Variants in CHST8 observed in about 807,000 individuals in gnomAD.
CHST8 encodes carbohydrate sulfotransferase 8.
In CHST8, 10 loss-of-function variants were observed where a neutral mutation model predicts 15.0. That is an observed-to-expected ratio of 0.67 (90% CI 0.41 to 1.13). The LOEUF is 1.13. Ranked by LOEUF, CHST8 falls within the 50% of genes most tolerant of loss-of-function variation. CHST8 has a pLI of 0.00. For missense variants in CHST8, 634 were observed against 608.2 expected (o/e 1.04, Z -0.45); for synonymous variants, 259 against 256.6 (o/e 1.01, Z -0.09).
intron 1 of CHST8, among the ~76,000 whole-genome samples, chr19:33,662,297 C>T (rs1218723412): frequency 6.6e-6 from 1 of 152,142 alleles, no homozygotes; most frequent in Non-Finnish European, 1.5e-5. Flanking sequence ...AGGCTGGTCT[C>T]AAACTCCTGG....
intron 1 of CHST8, among the ~76,000 whole-genome samples, chr19:33,644,770 A>G (rs1224278178): frequency 6.6e-6 from 1 of 152,114 alleles, no homozygotes; most frequent in Admixed American, 6.5e-5. Context: ...TGAATTATGT[A>G]GTGTTAGAAT....
At chr19:33,629,419 G>A (rs1461020835) in intron 1 of CHST8, among the ~76,000 whole-genome samples, 3 of 152,246 alleles carry the variant, frequency 2.0e-5, no homozygotes, top group African/African-American at 7.2e-5. Context: ...AAGGGAGCCA[G>A]TCTCTACCTG....
At chr19:33,680,324 T>C (rs947993185) in intron 2 of CHST8, among the ~76,000 whole-genome samples, 1 of 152,240 alleles carries the variant, frequency 6.6e-6, no homozygotes, top group Non-Finnish European at 1.5e-5. Context: ...AATCCCATTC[T>C]GGGCCTCGAG....
intron 1 of CHST8, among the ~76,000 whole-genome samples, chr19:33,662,558 G>A (rs1385915519): frequency 2.6e-5 from 4 of 152,198 alleles, no homozygotes; most frequent in African/African-American, 9.6e-5. Context: ...TTGCCCCACG[G>A]GGAATGCTGT....
intron 3 of CHST8, among the ~76,000 whole-genome samples, chr19:33,761,165 C>G (rs1272030441): frequency 6.6e-6 from 1 of 152,206 alleles, no homozygotes; most frequent in East Asian, 1.9e-4. Context: ...TTTGCAGCAG[C>G]AACCACTAGC....
rs1568325315 is a variant in CHST8 at position 33,682,184 on chromosome 19, G to GTT, written c.-86-6991_-86-6990dup. Among the ~76,000 whole-genome samples, 247 of 121,850 alleles carry GTT rather than the reference G, an allele frequency of 2.0e-3. 1 individual carries two copies. Among genetic ancestry groups the GTT allele is most frequent in the African/African-American group, 7.6e-3 (227 of 29,748 alleles). The allele number at this position is 121,850 out of a possible 152,430, so 79.9% of individuals were successfully genotyped here. On this transcript the variant is annotated intron_variant, in intron 2 of 4. Coordinates refer to ENST00000650847, the MANE Select transcript of CHST8 (RefSeq NM_001127895.2). Reference sequence around the variant, plus strand: ...GTGTGTGTGTGTTGTGGTTTTTGTTGTTGTTTTTTTTTTTTTTTTTTTTTT... The same window carrying GTT: ...GTGTGTGTGTGTTGTGGTTTTTGTTGTTTTGTTTTTTTTTTTTTTTTTTTTTT...
chr19:33,740,382 C>T (rs1252908685), intron 3 of CHST8, among the ~76,000 whole-genome samples: 1 of 152,238 alleles, frequency 6.6e-6, no homozygotes, highest in Non-Finnish European at 1.5e-5. Context: ...TGAGCAACTG[C>T]TGGGCTGAGA....
chr19:33,758,373 A>C (rs1216257317), intron 3 of CHST8, among the ~76,000 whole-genome samples: 1 of 152,168 alleles, frequency 6.6e-6, no homozygotes, highest in East Asian at 1.9e-4. Context: ...CAGAGCACCC[A>C]TCCCTGAGCC....
At chr19:33,654,550 T>C (rs1293845712) in intron 1 of CHST8, among the ~76,000 whole-genome samples, 1 of 152,120 alleles carries the variant, frequency 6.6e-6, no homozygotes, top group Non-Finnish European at 1.5e-5. Context: ...GGAGCCTCCA[T>C]GGGTTCATCA....
Position 33,767,053 on chromosome 19 carries a change from G to A in CHST8, c.131-4360G>A, listed in dbSNP as rs116023017. On this transcript the variant is annotated intron_variant, in intron 3 of 4. Coordinates refer to ENST00000650847, the MANE Select transcript of CHST8 (RefSeq NM_001127895.2). ...CAGATTTGACTCTTTAAGGACAGTC[G>A]CAGTGATGGGAGTGGCGGGACACTA... Among the ~76,000 whole-genome samples, 859 of 151,996 alleles carry A rather than the reference G, an allele frequency of 5.7e-3. 4 individuals carry two copies. The highest frequency in any genetic ancestry group is 0.019 in the African/African-American group (790 of 41,414).
At chr19:33,647,889 G>C (rs1972374284) in intron 1 of CHST8, among the ~76,000 whole-genome samples, 1 of 151,488 alleles carries the variant, frequency 6.6e-6, no homozygotes, top group Non-Finnish European at 1.5e-5. Flanking sequence ...GAAATGAGAA[G>C]ATAGCTGCTG....
chr19:33,732,071 T>C (rs753606958), intron 3 of CHST8, among the ~76,000 whole-genome samples: 7 of 152,178 alleles, frequency 4.6e-5, no homozygotes, highest in Non-Finnish European at 1.0e-4. Context: ...AGCTTGGCCA[T>C]GTGAGTTCAG....
chr19:33,666,570 G>A (rs1402563255), intron 1 of CHST8, among the ~76,000 whole-genome samples: 1 of 152,244 alleles, frequency 6.6e-6, no homozygotes. Flanking sequence ...CATCAGGGAA[G>A]AGGGTGCCGG....
rs1184183950 is a variant in CHST8 at position 33,650,303 on chromosome 19, G to A, written c.-163-17464G>A. On this transcript the variant is annotated intron_variant, in intron 1 of 4. Transcript: ENST00000650847. ...AGAGGGGGACTGTTTATTCAGTTGG[G>A]GGACTTAGGATTTTCTTTTTAGTTC... Among the ~76,000 whole-genome samples, 3 of 151,862 alleles carry A rather than the reference G, an allele frequency of 2.0e-5. No individual in the cohort carries two copies. The East Asian group carries it at 5.8e-4, about 30-fold the overall frequency.
intron 1 of CHST8, among the ~76,000 whole-genome samples, chr19:33,655,916 G>A (rs1395352177): frequency 2.0e-5 from 3 of 151,962 alleles, no homozygotes; most frequent in Non-Finnish European, 4.4e-5. Flanking sequence ...ACTTGTTAAG[G>A]CTTATTTTCT....
At chr19:33,758,437 G>A (rs1974648472) in intron 3 of CHST8, among the ~76,000 whole-genome samples, 1 of 152,234 alleles carries the variant, frequency 6.6e-6, no homozygotes, top group South Asian at 2.1e-4. Context: ...TGTCTGCAGA[G>A]CCCCACCCAG....
chr19:33,643,567 A>G (rs1972311636), intron 1 of CHST8, among the ~76,000 whole-genome samples: 1 of 152,192 alleles, frequency 6.6e-6, no homozygotes, highest in Non-Finnish European at 1.5e-5. Flanking sequence ...AGCATCATTT[A>G]TGGAACATTC....
intron 3 of CHST8, among the ~76,000 whole-genome samples, chr19:33,721,203 C>T (rs932340443): frequency 5.9e-5 from 9 of 152,222 alleles, no homozygotes; most frequent in African/African-American, 2.2e-4. Flanking sequence ...ATTGCAGGGT[C>T]CTCGGAGTCA....
At chr19:33,646,509 G>A (rs1265003293) in intron 1 of CHST8, among the ~76,000 whole-genome samples, 1 of 152,190 alleles carries the variant, frequency 6.6e-6, no homozygotes, top group Non-Finnish European at 1.5e-5. Context: ...TGGGGATGGT[G>A]TAAAATCTTT....
Sources: gnomAD v4.1 joint callset for allele counts (sites outside exome capture counted in the v4.1 genomes callset) on GRCh38, gnomAD v4.1.1 for gene constraint, MANE v1.5 for transcripts, NCBI Gene and HGNC (gene_info 2026-07-23, HGNC 2026-07-21) for gene names.